Variants in KCNQ2 observed in about 807,000 individuals in gnomAD.
KCNQ2 encodes the protein potassium voltage-gated channel subfamily KQT member 2.
Under a neutral mutation model 84.8 loss-of-function variants are expected in KCNQ2, and 14 were observed. The observed-to-expected ratio is 0.17, with a 90% CI of 0.11 to 0.26. The LOEUF (loss-of-function observed/expected upper bound fraction) is 0.26. Ranked by LOEUF, KCNQ2 falls within the 10% of genes least tolerant of loss-of-function variation. The probability of loss-of-function intolerance (pLI) is 1.00; values close to 1 mark genes in which losing one functional copy is unlikely to be tolerated. For synonymous variants in KCNQ2, 599 were observed against 554.1 expected (o/e 1.08, Z -1.14); for missense variants, 788 against 1,254.0 (o/e 0.63, Z 5.61).
intron 1 of KCNQ2, chr20:63,449,049 C>T (rs968110779): frequency 6.6e-6 from 1 of 152,272 alleles, no homozygotes; most frequent in Admixed American, 6.5e-5. Context: ...AAGACACCCC[C>T]TTCCCACAAA....
At position 63,406,334 on chromosome 20, in the gene KCNQ2, G is replaced by C; in HGVS notation, c.*310C>G. The C allele has an allele frequency of 2.8e-6, 1 of 356,090 alleles. No homozygotes were observed. The highest frequency in any genetic ancestry group is 5.2e-6 in the Non-Finnish European group (1 of 193,240). 22.1% of individuals were successfully genotyped at this position (356,090 alleles called of 1,614,324 possible). ...CTGGCAACACCCCGTCATCACTCCC[G>C]CCCCTCCTCACACCGGGCTGATGTC... On this transcript the variant is annotated 3_prime_UTR_variant, in exon 17 of 17. Coordinates refer to ENST00000359125, the MANE Select transcript of KCNQ2 (RefSeq NM_172107.4).
In KCNQ2 at chr20:63,425,277, C is replaced by A. The variant is rs1204285927; in HGVS notation, c.1218-1071G>T. ...CAGGTCACATTTGCAAATTCTGGGA[C>A]ATTTTGGAGACCAGCATTCAACCAC... On this transcript the variant is annotated intron_variant, in intron 10 of 16. Transcript: ENST00000359125. This position sits in a 1 kb window ranked among gnomAD's most constrained non-coding sequence, Gnocchi z 5.5. Among the ~76,000 whole-genome samples, 2 of 152,188 alleles carry A rather than the reference C, an allele frequency of 1.3e-5. No homozygotes were observed. Among genetic ancestry groups the A allele is most frequent in the African/African-American group, 4.8e-5 (2 of 41,448 alleles).
At chr20:63,465,355 G>A (rs2082053190) in intron 1 of KCNQ2, among the ~76,000 whole-genome samples, 1 of 152,232 alleles carries the variant, frequency 6.6e-6, no homozygotes, top group Admixed American at 6.5e-5. Flanking sequence ...GGAAACAGAG[G>A]GGCTTCTCAG....
Position 63,406,366 on chromosome 20 carries a change from G to A in KCNQ2, c.*278C>T, listed in dbSNP as rs930097431. ...CTCACACCGGGCTGATGTCGGCCGC[G>A]GCCCTGAGCAGAGTGGACAGGGCAG... On this transcript the variant is annotated 3_prime_UTR_variant, in exon 17 of 17. Coordinates refer to ENST00000359125, the MANE Select transcript of KCNQ2 (RefSeq NM_172107.4). 2 of 438,504 alleles carry A rather than the reference G, an allele frequency of 4.6e-6. No individual in the cohort carries two copies. Among genetic ancestry groups the A allele is most frequent in the Middle Eastern group, 6.2e-4 (1 of 1,626 alleles). The allele number at this position is 438,504 out of a possible 1,614,324, so 27.2% of individuals were successfully genotyped here. A position where few individuals can be genotyped will look rare whatever the true frequency, so the allele number is the denominator to read the frequency against.
intron 1 of KCNQ2, 121 bp downstream of exon 1, chr20:63,472,047 C>G: frequency 4.5e-6 from 3 of 673,684 alleles, no homozygotes; most frequent in Non-Finnish European, 4.7e-6. Flanking sequence ...GCGCCGGCCC[C>G]GGACCCAGAC....
At chr20:63,444,565 T>C in intron 4 of KCNQ2, 94 bp downstream of exon 4, 1 of 1,157,774 alleles carries the variant, frequency 8.6e-7, no homozygotes, top group East Asian at 2.9e-5. Context: ...CCCAGGGCTC[T>C]TGAAGCAAAC....
chr20:63,445,878 A>G lies in KCNQ2; in HGVS notation c.388-514T>C, dbSNP rs74179809. On this transcript the variant is annotated intron_variant, in intron 2 of 16. Transcript: ENST00000359125. ...TGGGGGACCCTGTCTGAGCTGGGGG[A>G]CCCTGTCTGAGCTGGGAGGCCCTGT... 8.0e-4 allele frequency among the ~76,000 whole-genome samples: 14 copies of G among 17,426 alleles called. 1 individual carries two copies. The highest frequency in any genetic ancestry group is 2.0e-3 in the South Asian group (1 of 504). 11.4% of individuals were successfully genotyped at this position (17,426 alleles called of 152,430 possible). A position where few individuals can be genotyped will look rare whatever the true frequency, so the allele number is the denominator to read the frequency against.
intron 10 of KCNQ2, 66 bp from the exon 11 acceptor site, chr20:63,424,272 G>C (rs965855977): frequency 6.5e-7 from 1 of 1,527,896 alleles, no homozygotes; most frequent in Non-Finnish European, 8.9e-7. Context: ...CCCCCAACCA[G>C]TCCAGCCCCC....
chr20:63,450,020 G>A (rs907977710), intron 1 of KCNQ2, among the ~76,000 whole-genome samples: 4 of 151,698 alleles, frequency 2.6e-5, no homozygotes, highest in African/African-American at 4.8e-5. Context: ...CGCTGCCTGC[G>A]CCCCTGGAAC....
chr20:63,432,205 G>C (rs1337478455), intron 8 of KCNQ2, among the ~76,000 whole-genome samples: 1 of 147,014 alleles, frequency 6.8e-6, no homozygotes, highest in Non-Finnish European at 1.5e-5. Flanking sequence ...CTCTGGGAAG[G>C]ATCCACCCAC....
intron 1 of KCNQ2, chr20:63,459,070 G>C (rs1410658193): frequency 6.6e-6 from 1 of 152,248 alleles, no homozygotes; most frequent in Non-Finnish European, 1.5e-5. Flanking sequence ...ACTGAGGTCC[G>C]TCCGTGCGGC....
At chr20:63,452,895 C>G (rs891943129) in intron 1 of KCNQ2, among the ~76,000 whole-genome samples, 6 of 151,378 alleles carry the variant, frequency 4.0e-5, no homozygotes, top group Non-Finnish European at 8.8e-5. Context: ...ACGCGCCAGC[C>G]GGAGCTCCAG....
intron 1 of KCNQ2, among the ~76,000 whole-genome samples, chr20:63,462,477 G>A (rs1461541565): frequency 1.3e-5 from 2 of 152,170 alleles, no homozygotes; most frequent in African/African-American, 4.8e-5. Flanking sequence ...TCAACCACCT[G>A]AGCAGCAGGC....
intron 1 of KCNQ2, among the ~76,000 whole-genome samples, chr20:63,456,799 G>A (rs2081812106): frequency 6.6e-6 from 1 of 152,202 alleles, no homozygotes; most frequent in South Asian, 2.1e-4. Flanking sequence ...GGGGGTCCTG[G>A]GGGGTCCCAC....
intron 9 of KCNQ2, among the ~76,000 whole-genome samples, chr20:63,429,709 G>A (rs1360424772): frequency 6.6e-6 from 1 of 152,112 alleles, no homozygotes; most frequent in Non-Finnish European, 1.5e-5. Context: ...CTCAGGGCTT[G>A]GTGATCACCC....
At chr20:63,430,858 C>A (rs982370671) in intron 9 of KCNQ2, among the ~76,000 whole-genome samples, 7 of 152,228 alleles carry the variant, frequency 4.6e-5, no homozygotes, top group Admixed American at 4.6e-4. Context: ...GGGACAAGGA[C>A]TGTGGCTGGT....
intron 1 of KCNQ2, among the ~76,000 whole-genome samples, chr20:63,462,249 C>T (rs1038002733): frequency 1.3e-4 from 19 of 142,048 alleles, no homozygotes; most frequent in African/African-American, 4.8e-4. Context: ...AGGGAGGAGG[C>T]AGCACCTACC....
At chr20:63,468,664 A>T (rs1568980839) in intron 1 of KCNQ2, among the ~76,000 whole-genome samples, 1 of 152,240 alleles carries the variant, frequency 6.6e-6, no homozygotes, top group Admixed American at 6.5e-5. Context: ...GCCCAGGGCC[A>T]GAGGCCCCTA....
intron 12 of KCNQ2, among the ~76,000 whole-genome samples, chr20:63,419,147 C>T (rs1293184633): frequency 6.6e-6 from 1 of 152,198 alleles, no homozygotes; most frequent in Non-Finnish European, 1.5e-5. Flanking sequence ...GAGAGGGAGC[C>T]GCGGGCCTCT....
Sources: gnomAD v4.1 joint callset for allele counts (sites outside exome capture counted in the v4.1 genomes callset) on GRCh38, gnomAD v4.1.1 for gene constraint, Gnocchi (gnomAD v3.1) non-coding constraint, MANE v1.5 for transcripts, NCBI Gene and HGNC (gene_info 2026-07-23, HGNC 2026-07-21) for gene names.